MSI2: variants seen among roughly 807,000 people sequenced by gnomAD.
MSI2 encodes RNA-binding protein Musashi homolog 2.
Under a neutral mutation model 45.6 loss-of-function variants are expected in MSI2, and 17 were observed. The ratio of observed to expected loss-of-function variants is 0.37; its 90% confidence interval spans 0.26 to 0.56. MSI2 has a LOEUF of 0.56. Among genes scored for constraint, MSI2 ranks in the 20% least tolerant of loss-of-function variants. The pLI, the probability that MSI2 is intolerant of heterozygous loss-of-function variation, is 0.77. For synonymous variants in MSI2, 156 were observed against 158.2 expected (o/e 0.99, Z 0.11); for missense variants, 293 against 444.2 (o/e 0.66, Z 3.06).
intron 5 of MSI2, among the ~76,000 whole-genome samples, chr17:57,350,225 G>GGGGTGTGT (rs368655017): frequency 6.8e-6 from 1 of 146,746 alleles, no homozygotes; most frequent in African/African-American, 2.6e-5. Context: ...CAGAGGTAGG[G>GGGGTGTGT]GTGTGTGTGT....
At chr17:57,602,462 C>T (rs184387623) in intron 8 of MSI2, among the ~76,000 whole-genome samples, 5 of 152,314 alleles carry the variant, frequency 3.3e-5, no homozygotes, top group East Asian at 1.9e-4. Context: ...GAGTGATTCT[C>T]GTGCCTCGGC....
At chr17:57,415,250 G>A (rs1395748177) in intron 6 of MSI2, among the ~76,000 whole-genome samples, 1 of 152,212 alleles carries the variant, frequency 6.6e-6, no homozygotes, top group African/African-American at 2.4e-5. Context: ...TTAAGCCACA[G>A]CACAATCCTC....
At chr17:57,563,052 C>A (rs561729237) in intron 7 of MSI2, among the ~76,000 whole-genome samples, 41 of 143,598 alleles carry the variant, frequency 2.9e-4, no homozygotes, top group African/African-American at 8.9e-4. Context: ...GAGCAGAGAT[C>A]GCACCACTGC....
chr17:57,445,508 T>C (rs535851646), intron 6 of MSI2, among the ~76,000 whole-genome samples: 20 of 151,136 alleles, frequency 1.3e-4, no homozygotes, highest in Admixed American at 4.0e-4. Flanking sequence ...GTGTTGTTTG[T>C]TTTTTTGGTG....
At chr17:57,501,047 A>G (rs548626565) in intron 6 of MSI2, among the ~76,000 whole-genome samples, 7 of 152,280 alleles carry the variant, frequency 4.6e-5, no homozygotes, top group South Asian at 4.1e-4. Flanking sequence ...ATGTGTGTAA[A>G]TGCTCTGTCA....
intron 6 of MSI2, among the ~76,000 whole-genome samples, chr17:57,465,288 C>G (rs1467827928): frequency 6.6e-6 from 1 of 151,920 alleles, no homozygotes; most frequent in Non-Finnish European, 1.5e-5. Context: ...ATGGCAAAAC[C>G]CCATCTCTAC....
the MSI2 span, among the ~76,000 whole-genome samples, chr17:57,696,339 C>T: frequency 6.6e-6 from 1 of 152,194 alleles, no homozygotes; most frequent in African/African-American, 2.4e-5. Flanking sequence ...CAAGACAGAC[C>T]ATGGAACCAG....
chr17:57,443,963 G>A lies in MSI2; in HGVS notation c.405+42492G>A, dbSNP rs149359084. 3.7e-4 allele frequency among the ~76,000 whole-genome samples: 57 copies of A among 152,228 alleles called. No homozygotes were observed. The East Asian group carries it at 0.01, about 27-fold the overall frequency. The stretch of plus-strand genomic sequence containing the variant: ...TGGTGTCTGTGTCAGATGCCCTAAC[G>A]GATTCTCAGGAATTGCAGCTGACAT... On this transcript the variant is annotated intron_variant, in intron 6 of 13. Transcript: ENST00000284073.
At chr17:57,491,126 G>T (rs151250295) in intron 6 of MSI2, among the ~76,000 whole-genome samples, 2 of 152,338 alleles carry the variant, frequency 1.3e-5, no homozygotes, top group East Asian at 3.9e-4. Context: ...GAGACCTCAG[G>T]AGCGTTTCTG....
At chr17:57,274,079 G>A (rs774980755) in intron 5 of MSI2, among the ~76,000 whole-genome samples, 14 of 152,126 alleles carry the variant, frequency 9.2e-5, no homozygotes, top group African/African-American at 1.9e-4. Flanking sequence ...AGAAGAATTC[G>A]TTCACAATAG....
chr17:57,642,535 G>T (rs1239822929), intron 10 of MSI2, among the ~76,000 whole-genome samples: 1 of 152,128 alleles, frequency 6.6e-6, no homozygotes, highest in African/African-American at 2.4e-5. Context: ...AGTGAGCCAC[G>T]GCCTCCTTTA....
chr17:57,507,219 G>GTCTC (rs796078434), intron 6 of MSI2, among the ~76,000 whole-genome samples: 1 of 74,524 alleles, frequency 1.3e-5, no homozygotes, highest in African/African-American at 5.4e-5. Flanking sequence ...TTTTGTCTTT[G>GTCTC]TCTCTCTGTG....
rs535325745 is a variant in MSI2 at position 57,559,438 on chromosome 17, A to G, written c.454+29714A>G. 3.9e-5 allele frequency among the ~76,000 whole-genome samples: 6 copies of G among 152,214 alleles called. No homozygotes were observed. In the East Asian group the frequency reaches 9.6e-4, roughly 24 times the overall value. On this transcript the variant is annotated intron_variant, in intron 7 of 13. Transcript: ENST00000284073. ...AGCTGCAGCCCCATTGGCAATACCA[A>G]CTTCCCTAGCTGGGGTTGGCTGGAC...
At position 57,413,193 on chromosome 17, in the gene MSI2, T is replaced by C. The variant is rs1234412402; in HGVS notation, c.405+11722T>C. Among the ~76,000 whole-genome samples, 5 of 152,208 alleles carry C rather than the reference T, an allele frequency of 3.3e-5. No individual in the cohort carries two copies. The East Asian group carries it at 7.7e-4, about 23-fold the overall frequency. On this transcript the variant is annotated intron_variant, in intron 6 of 13. Coordinates refer to ENST00000284073, the MANE Select transcript of MSI2 (RefSeq NM_138962.4). ...CACACTCTCTCTCTCTCTGTCTGTC[T>C]CGTTCTCTCATTCATCTTTTCCATC... is the stretch of plus-strand genomic sequence containing the variant.
chr17:57,271,670 G>A (rs940205213), intron 5 of MSI2, among the ~76,000 whole-genome samples: 1 of 151,344 alleles, frequency 6.6e-6, no homozygotes, highest in African/African-American at 2.4e-5. Flanking sequence ...AATGTATTCA[G>A]GGCTTCATCC....
chr17:57,578,423 G>A (rs1014561697), intron 7 of MSI2, among the ~76,000 whole-genome samples: 1 of 152,078 alleles, frequency 6.6e-6, no homozygotes, highest in African/African-American at 2.4e-5. Flanking sequence ...CGCTGAAGGA[G>A]CTGCAAAGAC....
At chr17:57,661,217 G>T (rs1187816364) in intron 11 of MSI2, among the ~76,000 whole-genome samples, 4 of 152,092 alleles carry the variant, frequency 2.6e-5, no homozygotes, top group Non-Finnish European at 4.4e-5. Context: ...CCGACTTCCA[G>T]TCCTCTGGGG....
intron 6 of MSI2, among the ~76,000 whole-genome samples, chr17:57,478,599 T>C (rs1320402278): frequency 2.0e-5 from 3 of 152,194 alleles, no homozygotes; most frequent in East Asian, 1.9e-4. Flanking sequence ...ACTGATGTCA[T>C]TGGGTTTCTG....
chr17:57,684,951 A>AGAACCCATGAGTGGACAGGGAAT (rs1157682785), downstream of MSI2, among the ~76,000 whole-genome samples: 24 of 152,154 alleles, frequency 1.6e-4, no homozygotes, highest in Non-Finnish European at 2.9e-4. Flanking sequence ...GAAGGTACAC[A>AGAACCCATGAGTGGACAGGGAAT]GAACCCATGA....
Sources: allele counts gnomAD v4.1 joint callset (sites outside exome capture counted in the v4.1 genomes callset), GRCh38; gene constraint gnomAD v4.1.1; transcripts MANE v1.5; gene names NCBI Gene and HGNC (gene_info 2026-07-23, HGNC 2026-07-21).